TANC2: variants seen among roughly 807,000 people sequenced by gnomAD.
The protein encoded by TANC2 is tetratricopeptide repeat, ankyrin repeat and coiled-coil containing 2.
TANC2 carries 26 observed loss-of-function variants against 210.5 expected under a neutral mutation model. The observed-to-expected ratio is 0.12, with a 90% confidence interval of 0.09 to 0.17. The LOEUF (loss-of-function observed/expected upper bound fraction) is 0.17. Among genes scored for constraint, TANC2 ranks in the 10% least tolerant of loss-of-function variants. The pLI is 1.00. For synonymous variants in TANC2, 931 were observed against 967.1 expected (o/e 0.96, Z 0.69); for missense variants, 2,129 against 2,608.9 (o/e 0.82, Z 4.01).
At chr17:63,038,781 G>A (rs1331982930) in intron 2 of TANC2, among the ~76,000 whole-genome samples, 1 of 152,092 alleles carries the variant, frequency 6.6e-6, no homozygotes, top group Admixed American at 6.6e-5. Context: ...AAAAGACCAG[G>A]CTGTGCTATA....
chr17:63,267,091 C>T (rs1416888789), intron 8 of TANC2, among the ~76,000 whole-genome samples: 5 of 151,982 alleles, frequency 3.3e-5, no homozygotes, highest in South Asian at 2.1e-4. Context: ...TGGGCTCAAG[C>T]GATCCACTCT....
chr17:63,085,660 C>CA (rs1015473584), intron 3 of TANC2, among the ~76,000 whole-genome samples: 14 of 152,178 alleles, frequency 9.2e-5, no homozygotes, highest in Middle Eastern at 3.4e-3. Context: ...CTCACACACA[C>CA]ACAAGCATAC....
intron 7 of TANC2, among the ~76,000 whole-genome samples, chr17:63,231,900 C>A (rs2042486510): frequency 6.6e-6 from 1 of 152,178 alleles, no homozygotes; most frequent in South Asian, 2.1e-4. Context: ...CCTAGTCAGT[C>A]ATAGGTTTGG....
At position 63,185,822 on chromosome 17, in the gene TANC2, T is replaced by C. The variant is rs77870552; in HGVS notation, c.434-8169T>C. On this transcript the variant is annotated intron_variant, in intron 5 of 27. Transcript: ENST00000689528. Reference sequence around the variant, plus strand: ...CTTTTGTAAATCCTGTATAGATCTTTTGTCTATTTTTTAATTGGATTGTCT... The same window carrying C: ...CTTTTGTAAATCCTGTATAGATCTTCTGTCTATTTTTTAATTGGATTGTCT... 7.9e-3 allele frequency among the ~76,000 whole-genome samples: 1,210 copies of C among 152,328 alleles called. 18 individuals are homozygous for C. The highest frequency in any genetic ancestry group is 0.027 in the African/African-American group (1,124 of 41,570).
chr17:63,381,154 G>C (rs2047595552), intron 15 of TANC2: 2 of 152,156 alleles, frequency 1.3e-5, no homozygotes, highest in East Asian at 3.8e-4. Flanking sequence ...CATTCACAGA[G>C]AAGTAGCATG....
At chr17:62,994,277 G>T (rs972740105) in intron 1 of TANC2, among the ~76,000 whole-genome samples, 14 of 151,308 alleles carry the variant, frequency 9.3e-5, no homozygotes, top group African/African-American at 3.2e-4. Context: ...GGGTTCCTGG[G>T]TTCAAGCGAT....
chr17:63,380,920 G>A (rs73327724), intron 15 of TANC2, among the ~76,000 whole-genome samples: 2,991 of 152,288 alleles, frequency 0.02, 88 homozygotes, highest in African/African-American at 0.067. Flanking sequence ...TACTTAGTAG[G>A]AGCAGAGTGG....
At chr17:63,183,972 G>A (rs1421575014) in intron 5 of TANC2, among the ~76,000 whole-genome samples, 2 of 151,056 alleles carry the variant, frequency 1.3e-5, no homozygotes, top group South Asian at 2.1e-4. Context: ...AGCCGAGATC[G>A]CGCCACTGCA....
chr17:63,351,287 T>C, exon 13 of TANC2: 1 of 1,608,596 alleles, frequency 6.2e-7, no homozygotes, highest in Non-Finnish European at 8.5e-7. Context: ...TCATTTTAAT[T>C]GATGGATTAA....
intron 24 of TANC2, chr17:63,413,049 G>A: frequency 3.3e-6 from 1 of 299,812 alleles, no homozygotes; most frequent in Non-Finnish European, 6.1e-6. Context: ...ATCCCGGGGA[G>A]TCCTAGTTGG....
chr17:63,134,076 A>G (rs558389304), intron 4 of TANC2, among the ~76,000 whole-genome samples: 1 of 152,306 alleles, frequency 6.6e-6, no homozygotes, highest in African/African-American at 2.4e-5. Flanking sequence ...CTGTTATAAT[A>G]TGTATTCCAC....
At chr17:63,186,867 A>G (rs1285378893) in intron 5 of TANC2, among the ~76,000 whole-genome samples, 1 of 152,214 alleles carries the variant, frequency 6.6e-6, no homozygotes, top group Non-Finnish European at 1.5e-5. Context: ...TGTATGATTT[A>G]TTTTGTGTAT....
At chr17:63,359,248 G>GAC (rs560734541) in intron 14 of TANC2, among the ~76,000 whole-genome samples, 143 of 152,008 alleles carry the variant, frequency 9.4e-4, no homozygotes, top group African/African-American at 3.4e-3. Flanking sequence ...TGTAGAGAAA[G>GAC]AGTCTTACTG....
At chr17:63,393,623 AC>A (rs2048049913) in intron 17 of TANC2, 1 of 152,118 alleles carries the variant, frequency 6.6e-6, no homozygotes, top group Non-Finnish European at 1.5e-5. Flanking sequence ...CTCTGAAGTT[AC>A]TGTTTTTCCT....
chr17:63,423,280 G>T (rs2049068986), exon 28 of TANC2: 1 of 152,156 alleles, frequency 6.6e-6, no homozygotes, highest in Non-Finnish European at 1.5e-5. Flanking sequence ...CCCTGGGTGG[G>T]GGCATGAGAT....
At chr17:63,406,114 T>C (rs751912298) in intron 20 of TANC2, 40 bp from the exon 21 acceptor site, 2 of 1,611,346 alleles carry the variant, frequency 1.2e-6, no homozygotes, top group African/African-American at 2.7e-5. Flanking sequence ...TCAGCAGCTC[T>C]TCTTTGGGCT....
chr17:63,361,834 A>G (rs1047072775), intron 14 of TANC2, among the ~76,000 whole-genome samples: 1 of 152,232 alleles, frequency 6.6e-6, no homozygotes, highest in African/African-American at 2.4e-5. Context: ...ATTGAGCAAC[A>G]GAACAGCTCT....
intron 15 of TANC2, among the ~76,000 whole-genome samples, chr17:63,383,484 C>T (rs1458210468): frequency 6.6e-6 from 1 of 152,196 alleles, no homozygotes; most frequent in Non-Finnish European, 1.5e-5. Flanking sequence ...CAGACTGGCT[C>T]CTTTCACTTA....
chr17:63,398,029 A>G (rs1052309213), intron 18 of TANC2, among the ~76,000 whole-genome samples: 3 of 152,238 alleles, frequency 2.0e-5, no homozygotes, highest in Non-Finnish European at 4.4e-5. Context: ...AACCGTGTTC[A>G]GTCAAATTCC....
Sources: gnomAD v4.1 joint callset for allele counts (sites outside exome capture counted in the v4.1 genomes callset) on GRCh38, gnomAD v4.1.1 for gene constraint, MANE v1.5 for transcripts, NCBI Gene and HGNC (gene_info 2026-07-23, HGNC 2026-07-21) for gene names.